The following ACCSL variants were observed in gnomAD, a reference collection of about 807,000 sequenced individuals.
ACCSL encodes the protein probable inactive 1-aminocyclopropane-1-carboxylate synthase-like protein 2.
A neutral mutation model predicts 61.7 loss-of-function variants in ACCSL; 55 were observed. That is an observed-to-expected ratio of 0.89 (90% CI 0.72 to 1.12). ACCSL has a LOEUF of 1.12. Among genes scored for constraint, ACCSL ranks in the 50% most tolerant of loss-of-function variants. The pLI is 0.00. For missense variants in ACCSL, 632 were observed against 698.0 expected, an observed-to-expected ratio of 0.91 and a Z score of 1.07; for synonymous variants, 258 against 264.3, an observed-to-expected ratio of 0.98 and a Z score of 0.23.
chr11:44,021,366 A>G, the ACCSL span, among the ~76,000 whole-genome samples: 1 of 152,142 alleles, frequency 6.6e-6, no homozygotes, highest in South Asian at 2.1e-4. Context: ...TTCCATGATA[A>G]TTAGTGATGT....
the ACCSL span, among the ~76,000 whole-genome samples, chr11:43,970,381 T>G: frequency 2.0e-5 from 3 of 152,214 alleles, no homozygotes; most frequent in East Asian, 5.8e-4. Flanking sequence ...AATTTTTTAT[T>G]TTTGTAGAGA....
upstream of ACCSL, among the ~76,000 whole-genome samples, chr11:44,045,666 C>T (rs945187954): frequency 2.6e-5 from 4 of 152,096 alleles, no homozygotes; most frequent in African/African-American, 9.7e-5. Flanking sequence ...GCCTGGAGTC[C>T]CCGGCTGAGT....
chr11:44,049,930 C>A (rs11037841), intron 1 of ACCSL, 132 bp from the exon 2 acceptor site: 22 of 1,207,344 alleles, frequency 1.8e-5, no homozygotes, highest in Admixed American at 1.5e-4. Flanking sequence ...GCTTTCCTAA[C>A]GTGTAAAGTT....
At chr11:43,947,104 T>G in the ACCSL span, 1 of 152,204 alleles carries the variant, frequency 6.6e-6, no homozygotes, top group East Asian at 1.9e-4. Context: ...GGTGAGGCCT[T>G]GAGAAGCTTC....
the ACCSL span, among the ~76,000 whole-genome samples, chr11:44,039,246 T>C: frequency 1.3e-5 from 2 of 152,166 alleles, no homozygotes; most frequent in Non-Finnish European, 2.9e-5. Context: ...GAATCTACTA[T>C]GGCACTGTCT....
chr11:43,929,486 T>G, the ACCSL span, among the ~76,000 whole-genome samples: 906 of 152,276 alleles, frequency 5.9e-3, 2 homozygotes, highest in Non-Finnish European at 9.3e-3. Flanking sequence ...TGGCCCACTG[T>G]AAACTCTGCC....
chr11:43,992,298 G>A, the ACCSL span, among the ~76,000 whole-genome samples: 2 of 151,926 alleles, frequency 1.3e-5, no homozygotes, highest in Admixed American at 1.3e-4. Context: ...GGCGATCCCC[G>A]CCTCTCCTGA....
At chr11:44,050,010 T>G (rs748091293) in intron 1 of ACCSL, 52 bp from the exon 2 acceptor site, 2 of 1,612,316 alleles carry the variant, frequency 1.2e-6, no homozygotes, top group Non-Finnish European at 1.7e-6. Context: ...AAGGGATCTA[T>G]GTAGGGTGGA....
the ACCSL span, among the ~76,000 whole-genome samples, chr11:43,953,540 A>T: frequency 6.8e-6 from 1 of 147,552 alleles, no homozygotes; most frequent in Non-Finnish European, 1.5e-5. Context: ...AAAAAAAAAA[A>T]GGATGAGGTA....
the ACCSL span, chr11:43,926,535 T>TGGG: frequency 2.2e-6 from 1 of 455,512 alleles, no homozygotes. Context: ...CCAGAGATTG[T>TGGG]GGGTCAGATG....
At chr11:44,025,324 A>T in the ACCSL span, among the ~76,000 whole-genome samples, 1 of 152,104 alleles carries the variant, frequency 6.6e-6, no homozygotes, top group South Asian at 2.1e-4. Context: ...CACTTTTTTT[A>T]AAAAATTACT....
the ACCSL span, among the ~76,000 whole-genome samples, chr11:43,981,091 G>T: frequency 7.6e-6 from 1 of 131,132 alleles, no homozygotes; most frequent in African/African-American, 2.8e-5. Flanking sequence ...ACAAGATGGG[G>T]CAGGAAAACA....
chr11:44,007,717 C>T, the ACCSL span, among the ~76,000 whole-genome samples: 1 of 152,214 alleles, frequency 6.6e-6, no homozygotes, highest in Non-Finnish European at 1.5e-5. Context: ...CTCAGGGAGG[C>T]TCCTCCTCTG....
At chr11:43,966,812 G>A in the ACCSL span, among the ~76,000 whole-genome samples, 57 of 152,124 alleles carry the variant, frequency 3.7e-4, no homozygotes, top group African/African-American at 1.3e-3. Flanking sequence ...GACTGTTCTA[G>A]GACAACTTTC....
At chr11:44,030,825 G>C in the ACCSL span, among the ~76,000 whole-genome samples, 3 of 152,244 alleles carry the variant, frequency 2.0e-5, no homozygotes, top group African/African-American at 7.2e-5. Flanking sequence ...GCTGGGGTGG[G>C]AGTCAAGGTC....
At chr11:44,048,867 C>T (rs1352362428) in intron 1 of ACCSL, among the ~76,000 whole-genome samples, 1 of 152,136 alleles carries the variant, frequency 6.6e-6, no homozygotes, top group Non-Finnish European at 1.5e-5. Flanking sequence ...CACTGGGGCA[C>T]AGGCATTAAT....
the ACCSL span, among the ~76,000 whole-genome samples, chr11:43,963,024 C>T: frequency 6.6e-6 from 1 of 152,186 alleles, no homozygotes; most frequent in Non-Finnish European, 1.5e-5. Context: ...TTGTGGCTTT[C>T]CTTTCCATAT....
the ACCSL span, among the ~76,000 whole-genome samples, chr11:44,039,573 G>A: frequency 6.6e-6 from 1 of 151,950 alleles, no homozygotes; most frequent in Non-Finnish European, 1.5e-5. Context: ...TTGGGTGATG[G>A]GTGCACCAAA....
intron 5 of ACCSL, among the ~76,000 whole-genome samples, chr11:44,052,014 AC>A (rs2134769383): frequency 6.6e-6 from 1 of 152,324 alleles, no homozygotes; most frequent in African/African-American, 2.4e-5. Context: ...CAGCTGCAAT[AC>A]AGACAGCCAT....
Sources: gnomAD v4.1 joint callset for allele counts (sites outside exome capture counted in the v4.1 genomes callset) on GRCh38, gnomAD v4.1.1 for gene constraint, MANE v1.5 for transcripts, NCBI Gene and HGNC (gene_info 2026-07-23, HGNC 2026-07-21) for gene names.